MDC1: variants seen among roughly 807,000 people sequenced by gnomAD.
MDC1 encodes mediator of DNA damage checkpoint protein 1.
In MDC1, 81 loss-of-function variants were observed where a neutral mutation model predicts 142.5. That is an observed-to-expected ratio of 0.57 (90% confidence interval 0.47 to 0.68). The LOEUF (loss-of-function observed/expected upper bound fraction) is 0.68. Among genes scored for constraint, MDC1 ranks in the 30% least tolerant of loss-of-function variants. MDC1 has a pLI of 0.00. For missense variants in MDC1, 2,119 were observed against 2,547.9 expected (o/e 0.83, Z 3.62); for synonymous variants, 797 against 968.4 (o/e 0.82, Z 3.29).
chr6:30,715,059 A>G lies in MDC1; in HGVS notation c.117T>C (p.Gly39=). Reference sequence around the variant, plus strand: ...TCTGACCTTTTTCTGGTCCATGGGCACCACTAAAGATATGTAGCCGCCCTA... The same window carrying G: ...TCTGACCTTTTTCTGGTCCATGGGCGCCACTAAAGATATGTAGCCGCCCTA... The part of the protein sequence containing the change: ...EPVGRLHIFS[G]AHGPEKDFPL... The change falls in exon 2 of 15, where the codon GGT becomes GGC. Residue 39 remains glycine, a synonymous_variant. Transcript: ENST00000376406. The surrounding 1 kb of genome is among the most constrained non-coding windows in gnomAD (Gnocchi z 4.1). 1 of 1,614,174 alleles carries G rather than the reference A, an allele frequency of 6.2e-7. No homozygotes were observed. Among genetic ancestry groups the G allele is most frequent in the Non-Finnish European group, 8.5e-7 (1 of 1,180,044 alleles).
rs755023118 is a variant in MDC1, at chr6:30,711,431, A to G, written c.2202T>C (p.His734=). 1.2e-6 allele frequency: 2 copies of G among 1,613,104 alleles called. No individual in the cohort carries two copies. Among genetic ancestry groups the G allele is most frequent in the East Asian group, 4.5e-5 (2 of 44,888 alleles). Residue 734 remains histidine, a synonymous_variant, in exon 7 of 15, where the codon CAT becomes CAC. Coordinates refer to ENST00000376406, the MANE Select transcript of MDC1 (RefSeq NM_014641.3). ...TTATACCTGTTGTCTGGAAGCTGCA[A>G]TGGGAAGGGCCAAGCTCTTGGGGTG... ...LTPPQELGPS[H]CSFQTTGTLD... is the part of the protein sequence containing the mutation.
rs764807291 is a variant in MDC1 at position 30,702,787 on chromosome 6, C to T, written c.5956G>A (p.Ala1986Thr). Residue 1986 changes from alanine (A) to threonine (T), a missense_variant, in exon 13 of 15, where the codon GCA becomes ACA. Coordinates refer to ENST00000376406, the MANE Select transcript of MDC1 (RefSeq NM_014641.3). ...EKNFGFSLQDALSRARERRLL... is the reference protein window; with the variant it reads ...EKNFGFSLQDTLSRARERRLL... Reference sequence around the variant, plus strand: ...CTTCGCTCCCGAGCCCTGCTCAGTGCGTCTTGAAGGCTAAAGCCAAAGTTC... The same window carrying T: ...CTTCGCTCCCGAGCCCTGCTCAGTGTGTCTTGAAGGCTAAAGCCAAAGTTC... 2.8e-5 allele frequency: 45 copies of T among 1,613,008 alleles called. No individual in the cohort carries two copies. Among genetic ancestry groups the T allele is most frequent in the Non-Finnish European group, 3.6e-5 (42 of 1,180,048 alleles).
intron 9 of MDC1, among the ~76,000 whole-genome samples, chr6:30,707,163 G>A (rs1774015259): frequency 6.6e-6 from 1 of 152,142 alleles, no homozygotes; most frequent in Non-Finnish European, 1.5e-5. Context: ...GAAACACGAA[G>A]GGTCTTTCTT....
At chr6:30,706,190 G>T in intron 9 of MDC1, 92 bp from the exon 10 acceptor site, 1 of 1,149,046 alleles carries the variant, frequency 8.7e-7, no homozygotes, top group Non-Finnish European at 1.2e-6. Context: ...TGGTTAGATA[G>T]GCTTACCAGA....
chr6:30,710,523 G>A (rs1774689039), intron 7 of MDC1, among the ~76,000 whole-genome samples: 1 of 151,828 alleles, frequency 6.6e-6, no homozygotes, highest in Non-Finnish European at 1.5e-5. Flanking sequence ...TCAGTCTCCT[G>A]AGTAGCTGGG....
chr6:30,703,041 C>G lies in MDC1; in HGVS notation c.5865+63G>C. The G allele has an allele frequency of 6.3e-7, 1 of 1,584,526 alleles. No homozygotes were observed. Among genetic ancestry groups the G allele is most frequent in the Non-Finnish European group, 8.6e-7 (1 of 1,162,700 alleles). ...AACGCCTCTTCCCTTCCACCACTTT[C>G]TAGGGCACTATATGAGCAGTCTTGC... On this transcript the variant is annotated intron_variant, in intron 12 of 14. Coordinates refer to ENST00000376406, the MANE Select transcript of MDC1 (RefSeq NM_014641.3). The surrounding 1 kb of genome is among the most constrained non-coding windows in gnomAD (Gnocchi z 4.4).
chr6:30,705,804 G>A lies in MDC1; in HGVS notation c.3379C>T (p.Pro1127Ser), dbSNP rs1267237231. The A allele has an allele frequency of 6.2e-7, 1 of 1,612,872 alleles. No individual in the cohort carries two copies. Among genetic ancestry groups the A allele is most frequent in the South Asian group, 1.1e-5 (1 of 90,940 alleles). The change falls in exon 10 of 15, where the codon CCC (proline) becomes TCC (serine). Residue 1127 changes from proline to serine, a missense_variant. Physicochemically the swap from Pro to Ser is moderately conservative, Grantham distance 74 (BLOSUM62 -1). Coordinates refer to ENST00000376406, the MANE Select transcript of MDC1 (RefSeq NM_014641.3). ...PFPATSAAPEPHPSTSTAQPV... is the reference protein window; with the variant it reads ...PFPATSAAPESHPSTSTAQPV... ...TGGGCTGTGGAGGTGGAAGGGTGGG[G>A]CTCAGGGGCAGCAGAGGTAGCTGGA...
chr6:30,700,280 C>A lies in MDC1; in HGVS notation c.*185G>T, dbSNP rs751506751. On this transcript the variant is annotated 3_prime_UTR_variant, in exon 15 of 15. Coordinates refer to ENST00000376406, the MANE Select transcript of MDC1 (RefSeq NM_014641.3). ...AATGGCCATTAAAAAAACAAACAAA[C>A]AAACAAAAAACAACCTGTGGCTTCC... The A allele has an allele frequency of 1.4e-4, 73 of 514,410 alleles. No homozygotes were observed. Among genetic ancestry groups the A allele is most frequent in the Non-Finnish European group, 2.0e-4 (62 of 312,226 alleles). 31.9% of individuals were successfully genotyped at this position (514,410 alleles called of 1,614,324 possible). A position where few individuals can be genotyped will look rare whatever the true frequency, so the allele number is the denominator to read the frequency against.
chr6:30,706,417 C>T (rs1274169961), intron 9 of MDC1, among the ~76,000 whole-genome samples: 2 of 151,820 alleles, frequency 1.3e-5, no homozygotes, highest in Admixed American at 1.3e-4. Context: ...GTCAGGAAAC[C>T]GAGACCATCC....
intron 14 of MDC1, among the ~76,000 whole-genome samples, chr6:30,701,205 A>C (rs529979941): frequency 7.2e-5 from 11 of 152,008 alleles, no homozygotes; most frequent in Non-Finnish European, 1.6e-4. Context: ...GATCGAGACC[A>C]TCCTGGCCAA....
rs185488869 is a variant in MDC1, at chr6:30,711,112, C to T, written c.2221+300G>A. Reference sequence around the variant, plus strand: ...AACGCAGGCCGGGCGCAGTGGCTTACGCCTGCAATTCCAGCATTTTGGGAG... The same window carrying T: ...AACGCAGGCCGGGCGCAGTGGCTTATGCCTGCAATTCCAGCATTTTGGGAG... On this transcript the variant is annotated intron_variant, in intron 7 of 14. Transcript: ENST00000376406. Among the ~76,000 whole-genome samples the T allele has an allele frequency of 2.9e-4, 44 of 152,334 alleles. No homozygotes were observed. In the South Asian group the frequency reaches 3.3e-3, roughly 11 times the overall value.
Position 30,707,889 on chromosome 6 carries a change from G to A in MDC1, c.2690C>T (p.Ser897Phe), listed in dbSNP as rs750610326. The change falls in exon 8 of 15, where the codon TCT becomes TTT. Residue 897 changes from serine to phenylalanine, a missense_variant. Transcript: ENST00000376406. ...TACTTGTTTCTCTTGTATTTCCTCAGATGTCTCAATTTCTACCTTCAAACT... is the reference window on the plus strand; with the variant it reads ...TACTTGTTTCTCTTGTATTTCCTCAAATGTCTCAATTTCTACCTTCAAACT... ...RESLKVEIETSEEIQEKQVQK... is the reference protein window; with the variant it reads ...RESLKVEIETFEEIQEKQVQK... 3 of 1,612,946 alleles carry A rather than the reference G, an allele frequency of 1.9e-6. No homozygotes were observed. The highest frequency in any genetic ancestry group is 2.5e-6 in the Non-Finnish European group (3 of 1,180,040).
Position 30,712,831 on chromosome 6 carries a change from C to T in MDC1, c.1111G>A (p.Glu371Lys), listed in dbSNP as rs2075015. 0.024 allele frequency: 38,139 copies of T among 1,613,004 alleles called. 1,276 individuals are homozygous for T. Among genetic ancestry groups the T allele is most frequent in the African/African-American group, 0.12 (9,020 of 75,026 alleles). ...PGAPGLAHLQ[E>K]SQAGSDTDVE... ...TCTGTATCACTACCAGCCTGGCTCT[C>T]CTGCAGATGGGCCAGGCCTGGTGCT... Residue 371 changes from glutamate to lysine, a missense_variant, in exon 5 of 15, where the codon GAG becomes AAG. Physicochemically the swap from Glu to Lys is moderately conservative, Grantham distance 56 (BLOSUM62 1). Coordinates refer to ENST00000376406, the MANE Select transcript of MDC1 (RefSeq NM_014641.3). The surrounding 1 kb of genome is among the most constrained non-coding windows in gnomAD (Gnocchi z 4.7).
At position 30,714,118 on chromosome 6, in the gene MDC1, A is replaced by C; in HGVS notation, c.202T>G (p.Phe68Val). ...GCATGTTGTTTGGAGATAGATGGAA[A>C]GGGCAGGGCCACAGAGCAGTCAGGC... ...RMPDCSVALP[F>V]PSISKQHAEI... Residue 68 changes from phenylalanine to valine, a missense_variant, in exon 3 of 15, where the codon TTT becomes GTT. By Grantham distance (50) the Phe-to-Val change is conservative. Coordinates refer to ENST00000376406, the MANE Select transcript of MDC1 (RefSeq NM_014641.3). The C allele has an allele frequency of 6.2e-7, 1 of 1,612,556 alleles. No homozygotes were observed. The highest frequency in any genetic ancestry group is 8.5e-7 in the Non-Finnish European group (1 of 1,180,014).
Position 30,708,369 on chromosome 6 carries a change from G to A in MDC1, c.2222-12C>T. ...TTCATCTAGGGTACCTGGAAGGGGA[G>A]GAAGGAAGAGAGAGAGAGGGAGAGG... On this transcript the variant is annotated splice_polypyrimidine_tract_variant and intron_variant, in intron 7 of 14. Transcript: ENST00000376406. The A allele has an allele frequency of 6.2e-7, 1 of 1,601,048 alleles. No individual in the cohort carries two copies.
In MDC1 at chr6:30,707,629, C is replaced by A. The variant is rs201740735; in HGVS notation, c.2950G>T (p.Val984Leu). ...CCACCTGACTGGCTCCCAGAAGGTA[C>A]GGGGGCTGAGGTAGGTCCCGGAAGG... ...GDLPGPTSAP[V>L]PSGSQSGGRG... The change falls in exon 8 of 15, where the codon GTA becomes TTA. Residue 984 changes from valine (V) to leucine (L), a missense_variant. Transcript: ENST00000376406. 1.2e-6 allele frequency: 2 copies of A among 1,612,978 alleles called. No individual in the cohort carries two copies. Among genetic ancestry groups the A allele is most frequent in the Non-Finnish European group, 8.5e-7 (1 of 1,179,968 alleles).
chr6:30,711,322 G>T, intron 7 of MDC1, 90 bp downstream of exon 7: 3 of 1,180,998 alleles, frequency 2.5e-6, no homozygotes, highest in South Asian at 2.5e-5. Flanking sequence ...AGTGAGCCGA[G>T]ACTGCACCAC....
intron 14 of MDC1, among the ~76,000 whole-genome samples, chr6:30,701,079 G>T (rs1395456236): frequency 1.2e-5 from 1 of 80,284 alleles, no homozygotes; most frequent in Non-Finnish European, 2.5e-5. Flanking sequence ...CATCTCAAAA[G>T]AAAAAAAAAA....
In MDC1 at chr6:30,715,251, A is replaced by T; in HGVS notation, c.-3-73T>A. The T allele has an allele frequency of 6.6e-7, 1 of 1,508,166 alleles. No homozygotes were observed. 93.4% of individuals were successfully genotyped at this position (1,508,166 alleles called of 1,614,324 possible). On this transcript the variant is annotated intron_variant, in intron 1 of 14. Transcript: ENST00000376406. This position sits in a 1 kb window ranked among gnomAD's most constrained non-coding sequence, Gnocchi z 4.1. ...AACAGCATCAGAGTTATCAGACTGA[A>T]AACTAGGGGGTAAACTGGATCATTA...
Sources: gnomAD v4.1 joint callset for allele counts (sites outside exome capture counted in the v4.1 genomes callset) on GRCh38, gnomAD v4.1.1 for gene constraint, Gnocchi (gnomAD v3.1) non-coding constraint, MANE v1.5 for transcripts, NCBI Gene and HGNC (gene_info 2026-07-23, HGNC 2026-07-21) for gene names.